Variants in CSNK2A2IP observed in about 807,000 individuals in gnomAD.
CSNK2A2IP encodes the protein casein kinase 2 subunit alpha' interacting protein.
At chr3:88,345,491 A>AT in the CSNK2A2IP span, among the ~76,000 whole-genome samples, 1 of 151,940 alleles carries the variant, frequency 6.6e-6, no homozygotes, top group Admixed American at 6.6e-5. Flanking sequence ...TATCAGTGCC[A>AT]TTTTTTCATC....
chr3:88,418,907 C>T, the CSNK2A2IP span, among the ~76,000 whole-genome samples: 2 of 152,158 alleles, frequency 1.3e-5, no homozygotes, highest in Non-Finnish European at 2.9e-5. Flanking sequence ...CACATCATGG[C>T]TCACGTTACC....
At chr3:88,381,241 C>T in the CSNK2A2IP span, among the ~76,000 whole-genome samples, 2 of 152,136 alleles carry the variant, frequency 1.3e-5, no homozygotes, top group Non-Finnish European at 2.9e-5. Context: ...AGAAAAATAA[C>T]ATCTGTTTGT....
the CSNK2A2IP span, among the ~76,000 whole-genome samples, chr3:88,417,203 G>A: frequency 6.6e-6 from 1 of 152,052 alleles, no homozygotes; most frequent in Admixed American, 6.5e-5. Context: ...AGGCAATTTA[G>A]TTTATTTACA....
the CSNK2A2IP span, chr3:88,465,889 AG>A: frequency 8.1e-7 from 1 of 1,231,684 alleles, no homozygotes; most frequent in Non-Finnish European, 1.0e-6. Flanking sequence ...GTCTCATCAA[AG>A]AGTCTCAAGT....
At chr3:88,412,101 G>A in the CSNK2A2IP span, among the ~76,000 whole-genome samples, 1 of 151,810 alleles carries the variant, frequency 6.6e-6, no homozygotes, top group South Asian at 2.1e-4. Context: ...TGAAAAATAA[G>A]TCATAAACAA....
chr3:88,449,638 C>T, the CSNK2A2IP span, among the ~76,000 whole-genome samples: 2 of 150,222 alleles, frequency 1.3e-5, no homozygotes, highest in Admixed American at 1.3e-4. Context: ...CCTGCAACCC[C>T]CCATGTCCTG....
chr3:88,465,360 G>A, the CSNK2A2IP span: 1 of 1,231,420 alleles, frequency 8.1e-7, no homozygotes, highest in Non-Finnish European at 1.0e-6. Flanking sequence ...AACACAAGAT[G>A]GTGCCACTAG....
At chr3:88,341,832 A>G in the CSNK2A2IP span, among the ~76,000 whole-genome samples, 7 of 152,102 alleles carry the variant, frequency 4.6e-5, no homozygotes, top group South Asian at 1.5e-3. Flanking sequence ...GTCAAAATGT[A>G]TTTGAATGTA....
chr3:88,362,159 A>T, the CSNK2A2IP span, among the ~76,000 whole-genome samples: 1 of 152,080 alleles, frequency 6.6e-6, no homozygotes, highest in Non-Finnish European at 1.5e-5. Flanking sequence ...TTGGTGCTGG[A>T]CATTCATTGA....
chr3:88,428,418 A>C, the CSNK2A2IP span, among the ~76,000 whole-genome samples: 1 of 152,148 alleles, frequency 6.6e-6, no homozygotes, highest in African/African-American at 2.4e-5. Flanking sequence ...ATTGTGTTTT[A>C]AAATGTGAGG....
chr3:88,430,449 C>G, the CSNK2A2IP span, among the ~76,000 whole-genome samples: 2 of 151,406 alleles, frequency 1.3e-5, no homozygotes, highest in Non-Finnish European at 2.9e-5. Flanking sequence ...AGATAATGCT[C>G]CTAAAGTTAA....
At chr3:88,443,750 C>T in the CSNK2A2IP span, among the ~76,000 whole-genome samples, 6 of 152,232 alleles carry the variant, frequency 3.9e-5, no homozygotes, top group South Asian at 2.1e-4. Flanking sequence ...CTACTGAAAA[C>T]GGTTGTTGCA....
At chr3:88,463,251 T>C in the CSNK2A2IP span, among the ~76,000 whole-genome samples, 4 of 88,672 alleles carry the variant, frequency 4.5e-5, no homozygotes, top group East Asian at 2.1e-3. Context: ...GTGATCACTT[T>C]AGTTTTTTTT....
At chr3:88,378,844 T>C in the CSNK2A2IP span, among the ~76,000 whole-genome samples, 1 of 152,076 alleles carries the variant, frequency 6.6e-6, no homozygotes, top group Non-Finnish European at 1.5e-5. Flanking sequence ...ATGTGTTATG[T>C]AACTGAATGA....
the CSNK2A2IP span, among the ~76,000 whole-genome samples, chr3:88,360,413 G>T: frequency 3.9e-5 from 6 of 152,172 alleles, no homozygotes; most frequent in African/African-American, 1.4e-4. Context: ...GATTATAGGC[G>T]TGAGCCACTG....
chr3:88,407,709 A>AATCT, the CSNK2A2IP span, among the ~76,000 whole-genome samples: 2 of 133,610 alleles, frequency 1.5e-5, no homozygotes, highest in Non-Finnish European at 3.4e-5. Flanking sequence ...AATAGTGTGC[A>AATCT]ATCTATTTAT....
the CSNK2A2IP span, among the ~76,000 whole-genome samples, chr3:88,405,154 G>A: frequency 6.6e-6 from 1 of 152,088 alleles, no homozygotes; most frequent in African/African-American, 2.4e-5. Context: ...TGTATTTGGA[G>A]TCGAGTCCAA....
chr3:88,456,662 T>C, the CSNK2A2IP span, among the ~76,000 whole-genome samples: 3 of 150,840 alleles, frequency 2.0e-5, no homozygotes, highest in African/African-American at 7.4e-5. Flanking sequence ...CTTTCCTTTT[T>C]TTTTTTTTTC....
the CSNK2A2IP span, among the ~76,000 whole-genome samples, chr3:88,389,135 T>A: frequency 2.0e-5 from 3 of 151,792 alleles, no homozygotes; most frequent in Non-Finnish European, 4.4e-5. Context: ...CATAGAACAA[T>A]AAGAGAGCAC....
Sources: gnomAD v4.1 joint callset for allele counts (sites outside exome capture counted in the v4.1 genomes callset) on GRCh38, gnomAD v4.1.1 for gene constraint, MANE v1.5 for transcripts, NCBI Gene and HGNC (gene_info 2026-07-23, HGNC 2026-07-21) for gene names.